GRM7: variants seen among roughly 807,000 people sequenced by gnomAD.
GRM7 encodes glutamate metabotropic receptor 7, also known as metabotropic glutamate receptor 7.
Under a neutral mutation model 84.5 loss-of-function variants are expected in GRM7, and 35 were observed. The observed-to-expected ratio is 0.41, with a 90% CI of 0.32 to 0.55. The LOEUF is 0.55. Among genes scored for constraint, GRM7 ranks in the 20% least tolerant of loss-of-function variants. The probability of loss-of-function intolerance (pLI) is 0.19; values close to 1 mark genes in which losing one functional copy is unlikely to be tolerated. For synonymous variants in GRM7, 487 were observed against 455.1 expected (o/e 1.07, Z -0.89); for missense variants, 1,003 against 1,194.6 (o/e 0.84, Z 2.36).
chr3:7,065,749 A>G (rs780267583), intron 1 of GRM7, among the ~76,000 whole-genome samples: 5 of 151,688 alleles, frequency 3.3e-5, no homozygotes, highest in Non-Finnish European at 7.4e-5. Context: ...CTTCAGATGG[A>G]GATTGCATTG....
chr3:7,052,541 T>C (rs1405869504), intron 1 of GRM7, among the ~76,000 whole-genome samples: 1 of 151,284 alleles, frequency 6.6e-6, no homozygotes, highest in African/African-American at 2.4e-5. Context: ...CCTCTTTGAA[T>C]TTAATCATCC....
chr3:7,210,573 A>AT (rs752243094), intron 2 of GRM7, among the ~76,000 whole-genome samples: 30 of 151,876 alleles, frequency 2.0e-4, no homozygotes, highest in East Asian at 1.6e-3. Context: ...TTTAATGGAA[A>AT]TTTTTTTTTG....
chr3:7,220,142 C>T (rs965578360), intron 2 of GRM7, among the ~76,000 whole-genome samples: 9 of 152,164 alleles, frequency 5.9e-5, no homozygotes, highest in African/African-American at 2.2e-4. Flanking sequence ...TATATAGATA[C>T]TCTTCTCTCA....
At chr3:7,401,504 A>G (rs1054334410) in intron 4 of GRM7, among the ~76,000 whole-genome samples, 2 of 152,152 alleles carry the variant, frequency 1.3e-5, no homozygotes, top group African/African-American at 4.8e-5. Flanking sequence ...AGCACTCCAC[A>G]TTGAGATAAA....
chr3:7,152,370 A>C (rs1348426273), intron 2 of GRM7, among the ~76,000 whole-genome samples: 1 of 152,208 alleles, frequency 6.6e-6, no homozygotes, highest in Non-Finnish European at 1.5e-5. Context: ...AAACATAAAT[A>C]AAGTCATTTC....
intron 2 of GRM7, among the ~76,000 whole-genome samples, chr3:7,278,607 T>C (rs1699153609): frequency 1.3e-5 from 2 of 152,222 alleles, no homozygotes; most frequent in African/African-American, 4.8e-5. Flanking sequence ...ATATTGAGCA[T>C]CTGTTTATAC....
At chr3:7,234,901 C>T (rs1697301461) in intron 2 of GRM7, among the ~76,000 whole-genome samples, 1 of 152,152 alleles carries the variant, frequency 6.6e-6, no homozygotes, top group Admixed American at 6.6e-5. Context: ...TCATTAAACT[C>T]ATTAAAGTTT....
chr3:7,688,799 T>A (rs1338939890), intron 9 of GRM7, among the ~76,000 whole-genome samples: 1 of 152,216 alleles, frequency 6.6e-6, no homozygotes, highest in Non-Finnish European at 1.5e-5. Flanking sequence ...AGCCACACTG[T>A]TTACAGCAAA....
intron 1 of GRM7, among the ~76,000 whole-genome samples, chr3:6,970,047 T>G (rs927632665): frequency 7.2e-5 from 11 of 152,238 alleles, no homozygotes; most frequent in African/African-American, 2.7e-4. Flanking sequence ...CCCGACTGCC[T>G]GCACTAAGTG....
chr3:7,186,463 T>C (rs903922645), intron 2 of GRM7, among the ~76,000 whole-genome samples: 6 of 152,214 alleles, frequency 3.9e-5, no homozygotes, highest in African/African-American at 1.4e-4. Context: ...CTGCTGGGAA[T>C]AAAAAATTTG....
intron 2 of GRM7, among the ~76,000 whole-genome samples, chr3:7,262,313 A>T (rs1416084141): frequency 6.6e-6 from 1 of 151,870 alleles, no homozygotes; most frequent in Non-Finnish European, 1.5e-5. Context: ...TTCTTTTTTT[A>T]AAATTCATGT....
At position 7,681,630 on chromosome 3, in the gene GRM7, T is replaced by C. The variant is rs150709792; in HGVS notation, c.2698+1335T>C. On this transcript the variant is annotated intron_variant, in intron 9 of 9. Transcript: ENST00000357716. ...GAAGGGAGGAACAGAATGAATGATATAGGCTCTGTTGTGTCTCCAGAGCAA... is the reference window on the plus strand; with the variant it reads ...GAAGGGAGGAACAGAATGAATGATACAGGCTCTGTTGTGTCTCCAGAGCAA... 4 of 152,304 alleles carry C rather than the reference T, an allele frequency of 2.6e-5. No individual in the cohort carries two copies. In the East Asian group the frequency reaches 7.7e-4, roughly 29 times the overall value. The allele number at this position is 152,304 out of a possible 1,614,324, so 9.4% of individuals were successfully genotyped here.
At chr3:7,236,353 G>A (rs768945924) in intron 2 of GRM7, among the ~76,000 whole-genome samples, 6 of 152,100 alleles carry the variant, frequency 3.9e-5, no homozygotes, top group Non-Finnish European at 7.4e-5. Flanking sequence ...CCACAAACCC[G>A]AAAAAGATGT....
Position 7,420,279 on chromosome 3 carries a change from A to G in GRM7, c.1174+5116A>G, listed in dbSNP as rs573704977. ...GAAATAATTGATGATTATACTGATT[A>G]GTTTTTTTATACTCACTGTCATTTT... On this transcript the variant is annotated intron_variant, in intron 5 of 9. Coordinates refer to ENST00000357716, the MANE Select transcript of GRM7 (RefSeq NM_000844.4). Among the ~76,000 whole-genome samples, 3 of 44,154 alleles carry G rather than the reference A, an allele frequency of 6.8e-5. No individual in the cohort carries two copies. In the East Asian group the frequency reaches 1.0e-3, roughly 15 times the overall value. The allele number at this position is 44,154 out of a possible 152,430, so 29.0% of individuals were successfully genotyped here. A position where few individuals can be genotyped will look rare whatever the true frequency, so the allele number is the denominator to read the frequency against.
At chr3:7,450,004 A>G (rs572801623) in intron 5 of GRM7, among the ~76,000 whole-genome samples, 1 of 152,250 alleles carries the variant, frequency 6.6e-6, no homozygotes, top group East Asian at 1.9e-4. Context: ...AAAGATACCT[A>G]AAGGAGGTAA....
chr3:7,387,803 G>C (rs1694842978), intron 4 of GRM7, among the ~76,000 whole-genome samples: 1 of 151,972 alleles, frequency 6.6e-6, no homozygotes, highest in Admixed American at 6.6e-5. Context: ...TTTTAGGATA[G>C]TTTTTTTCCT....
chr3:7,442,381 A>C (rs533189615), intron 5 of GRM7, among the ~76,000 whole-genome samples: 1 of 152,308 alleles, frequency 6.6e-6, no homozygotes, highest in South Asian at 2.1e-4. Flanking sequence ...TGGGTCTTAT[A>C]GGAATGAATT....
chr3:7,380,443 G>A (rs1265971047), intron 4 of GRM7, among the ~76,000 whole-genome samples: 1 of 152,178 alleles, frequency 6.6e-6, no homozygotes, highest in Non-Finnish European at 1.5e-5. Flanking sequence ...AACTAGAGTT[G>A]AAATGTTGCA....
At chr3:7,431,517 T>G (rs1696829569) in intron 5 of GRM7, among the ~76,000 whole-genome samples, 1 of 152,210 alleles carries the variant, frequency 6.6e-6, no homozygotes, top group Non-Finnish European at 1.5e-5. Context: ...AATGTACTTC[T>G]ATTAAAAATA....
Sources: gnomAD v4.1 joint callset for allele counts (sites outside exome capture counted in the v4.1 genomes callset) on GRCh38, gnomAD v4.1.1 for gene constraint, MANE v1.5 for transcripts, NCBI Gene and HGNC (gene_info 2026-07-23, HGNC 2026-07-21) for gene names.